NPAS3: variants seen among roughly 807,000 people sequenced by gnomAD.
NPAS3 encodes the protein neuronal PAS domain-containing protein 3.
In NPAS3, 14 loss-of-function variants were observed where a neutral mutation model predicts 73.1. The observed-to-expected ratio is 0.19, with a 90% CI of 0.13 to 0.30. NPAS3 has a LOEUF of 0.30. NPAS3 is among the 10% of genes least tolerant of loss of function. The pLI is 1.00. For missense variants in NPAS3, 1,096 were observed against 1,250.0 expected, an observed-to-expected ratio of 0.88 and a Z score of 1.86; for synonymous variants, 620 against 541.5, an observed-to-expected ratio of 1.14 and a Z score of -2.01.
At chr14:33,700,516 C>T (rs2060497862) in intron 6 of NPAS3, among the ~76,000 whole-genome samples, 1 of 152,196 alleles carries the variant, frequency 6.6e-6, no homozygotes, top group Non-Finnish European at 1.5e-5. Flanking sequence ...TTAACACATT[C>T]CTGCCCTAGA....
chr14:33,163,332 G>C (rs2044980223), intron 2 of NPAS3, among the ~76,000 whole-genome samples: 1 of 152,198 alleles, frequency 6.6e-6, no homozygotes, highest in Non-Finnish European at 1.5e-5. Context: ...GAGCTTGGCA[G>C]GCCAGGCGAG....
At chr14:33,491,186 T>A (rs1283703412) in intron 4 of NPAS3, among the ~76,000 whole-genome samples, 1 of 151,988 alleles carries the variant, frequency 6.6e-6, no homozygotes, top group African/African-American at 2.4e-5. Flanking sequence ...AAGCCATTTT[T>A]GATATTTCCA....
In NPAS3 at chr14:33,312,085, C is replaced by A. The variant is rs1440270697; in HGVS notation, c.386-55101C>A. ...GTGAGTTGACTTGACATACAGTAGT[C>A]AGAGCTCTGGTCACATTATAACGTG... On this transcript the variant is annotated intron_variant, in intron 3 of 11. Coordinates refer to ENST00000356141, the Ensembl canonical transcript of NPAS3. 2.0e-5 allele frequency among the ~76,000 whole-genome samples: 3 copies of A among 152,166 alleles called. No individual in the cohort carries two copies. The South Asian group carries it at 6.2e-4, about 32-fold the overall frequency.
intron 1 of NPAS3, among the ~76,000 whole-genome samples, chr14:33,017,379 C>T (rs1566469772): frequency 6.6e-6 from 1 of 152,078 alleles, no homozygotes; most frequent in Non-Finnish European, 1.5e-5. Context: ...TAGTGTATCT[C>T]AGTTTATGCA....
At chr14:33,577,160 C>A (rs1595192055) in intron 5 of NPAS3, among the ~76,000 whole-genome samples, 2 of 152,288 alleles carry the variant, frequency 1.3e-5, no homozygotes, top group Admixed American at 1.3e-4. Context: ...ATATGGTGTT[C>A]TTTAATTATA....
chr14:33,742,830 T>G (rs958349936), intron 7 of NPAS3, among the ~76,000 whole-genome samples: 2 of 152,220 alleles, frequency 1.3e-5, no homozygotes, highest in African/African-American at 4.8e-5. Flanking sequence ...CCTTTGTTAT[T>G]TCAGCAATGG....
chr14:33,624,844 T>C (rs1042063103), intron 5 of NPAS3, among the ~76,000 whole-genome samples: 1 of 152,208 alleles, frequency 6.6e-6, no homozygotes, highest in Non-Finnish European at 1.5e-5. Flanking sequence ...TTCTTGTCAA[T>C]GTGTTGCCTT....
In NPAS3 at chr14:33,228,778, G is replaced by T. The variant is rs567436021; in HGVS notation, c.385+13352G>T. Among the ~76,000 whole-genome samples the T allele has an allele frequency of 4.9e-3, 753 of 152,270 alleles. 6 individuals are homozygous for T. Among genetic ancestry groups the T allele is most frequent in the African/African-American group, 0.017 (709 of 41,546 alleles). On this transcript the variant is annotated intron_variant, in intron 3 of 11. Transcript: ENST00000356141. ...AAGTAGGGTATTATTCATGTTGAAA[G>T]AGGTTTAAGCAGACAAAGTACTGTG...
intron 3 of NPAS3, among the ~76,000 whole-genome samples, chr14:33,300,787 G>C (rs2042498333): frequency 6.6e-6 from 1 of 152,122 alleles, no homozygotes; most frequent in Admixed American, 6.5e-5. Flanking sequence ...GGGGAGCATG[G>C]CTACTAGACA....
At chr14:33,754,492 G>C (rs1405276445) in intron 7 of NPAS3, among the ~76,000 whole-genome samples, 2 of 152,186 alleles carry the variant, frequency 1.3e-5, no homozygotes, top group African/African-American at 4.8e-5. Flanking sequence ...AAGAATAGTG[G>C]CTGGAGTCAG....
chr14:33,799,584 G>A, intron 11 of NPAS3, 150 bp from the exon 12 acceptor site: 1 of 751,124 alleles, frequency 1.3e-6, no homozygotes, highest in South Asian at 1.8e-5. Context: ...GTCCTCTGAA[G>A]GTGATGGAGA....
intron 5 of NPAS3, among the ~76,000 whole-genome samples, chr14:33,636,629 C>T (rs1182104997): frequency 6.6e-6 from 1 of 152,072 alleles, no homozygotes; most frequent in Non-Finnish European, 1.5e-5. Flanking sequence ...GCAGCCGCTG[C>T]CAGAAATCAT....
intron 5 of NPAS3, among the ~76,000 whole-genome samples, chr14:33,647,839 G>A (rs12323925): frequency 0.059 from 8,977 of 152,004 alleles, 882 homozygotes; most frequent in African/African-American, 0.2. Context: ...TAATTCTAGA[G>A]CTCATATACT....
At chr14:33,486,262 C>T (rs1401805443) in intron 4 of NPAS3, among the ~76,000 whole-genome samples, 2 of 151,924 alleles carry the variant, frequency 1.3e-5, no homozygotes, top group African/African-American at 4.8e-5. Context: ...TAACATTTTC[C>T]ACCTGTCCCC....
chr14:33,534,767 C>A (rs888547662), intron 4 of NPAS3, among the ~76,000 whole-genome samples: 33 of 152,042 alleles, frequency 2.2e-4, no homozygotes, highest in South Asian at 4.2e-4. Flanking sequence ...ACACAGCGTG[C>A]ACTCTGATGA....
At chr14:33,126,476 T>C (rs1445068353) in intron 2 of NPAS3, among the ~76,000 whole-genome samples, 1 of 152,070 alleles carries the variant, frequency 6.6e-6, no homozygotes, top group Non-Finnish European at 1.5e-5. Context: ...TTCTGTTAGC[T>C]GTGTGTGCAG....
At chr14:33,281,387 T>C (rs927423209) in intron 3 of NPAS3, among the ~76,000 whole-genome samples, 3 of 152,172 alleles carry the variant, frequency 2.0e-5, no homozygotes, top group African/African-American at 7.2e-5. Flanking sequence ...TCCCAGCACT[T>C]TGGGAGGACA....
At chr14:32,972,025 A>G (rs577914402) in intron 1 of NPAS3, among the ~76,000 whole-genome samples, 1 of 137,398 alleles carries the variant, frequency 7.3e-6, no homozygotes, top group South Asian at 2.3e-4. Context: ...TGCAAGCTCC[A>G]CCTCCTGGGT....
At chr14:33,704,439 T>A (rs2060604851) in intron 6 of NPAS3, among the ~76,000 whole-genome samples, 1 of 152,238 alleles carries the variant, frequency 6.6e-6, no homozygotes, top group African/African-American at 2.4e-5. Context: ...GTTAAGACAT[T>A]ATTTTACTTC....
Sources: gnomAD v4.1 joint callset for allele counts (sites outside exome capture counted in the v4.1 genomes callset) on GRCh38, gnomAD v4.1.1 for gene constraint, MANE v1.5 for transcripts, NCBI Gene and HGNC (gene_info 2026-07-23, HGNC 2026-07-21) for gene names.